Variants in GIMAP7 observed in about 807,000 individuals in gnomAD.
GIMAP7 encodes the protein GTPase, IMAP family member 7.
For synonymous variants in GIMAP7, 137 were observed against 129.3 expected (o/e 1.06, Z -0.40); for missense variants, 323 against 359.7 (o/e 0.90, Z 0.83).
chr7:150,515,582 G>A (rs1795127582), intron 1 of GIMAP7, among the ~76,000 whole-genome samples: 1 of 152,132 alleles, frequency 6.6e-6, no homozygotes, highest in Non-Finnish European at 1.5e-5. Flanking sequence ...ATAGCAGAGG[G>A]AACTGGATCT....
Position 150,520,779 on chromosome 7 carries a change from G to A in GIMAP7, c.805G>A (p.Glu269Lys). ...EKIKNIREEAERNIFKDVFNR... is the reference protein window; with the variant it reads ...EKIKNIREEAKRNIFKDVFNR... The stretch of plus-strand genomic sequence containing the variant: ...AATAAAAAATATAAGGGAAGAAGCT[G>A]AGAGAAATATATTTAAAGATGTTTT... Residue 269 changes from glutamate to lysine, a missense_variant, in exon 2 of 2, where the codon GAG becomes AAG. Physicochemically the swap from Glu to Lys is moderately conservative, Grantham distance 56. Coordinates refer to ENST00000313543, the MANE Select transcript of GIMAP7 (RefSeq NM_153236.4). 1 of 1,503,064 alleles carries A rather than the reference G, an allele frequency of 6.7e-7. No homozygotes were observed. Among genetic ancestry groups the A allele is most frequent in the Non-Finnish European group, 9.1e-7 (1 of 1,103,752 alleles). 93.1% of individuals were successfully genotyped at this position (1,503,064 alleles called of 1,614,324 possible). A position where few individuals can be genotyped will look rare whatever the true frequency, so the allele number is the denominator to read the frequency against.
At chr7:150,518,435 A>AT (rs1795155985) in intron 1 of GIMAP7, among the ~76,000 whole-genome samples, 1 of 151,724 alleles carries the variant, frequency 6.6e-6, no homozygotes, top group East Asian at 1.9e-4. Flanking sequence ...GTTTTTAATT[A>AT]TTTTTCTCTA....
At chr7:150,518,788 C>T (rs1345284313) in intron 1 of GIMAP7, among the ~76,000 whole-genome samples, 3 of 151,974 alleles carry the variant, frequency 2.0e-5, no homozygotes, top group African/African-American at 7.2e-5. Flanking sequence ...AAAAAATTTA[C>T]CCGTGTTTCT....
chr7:150,517,168 G>A (rs1795143926), intron 1 of GIMAP7, among the ~76,000 whole-genome samples: 1 of 152,118 alleles, frequency 6.6e-6, no homozygotes, highest in East Asian at 1.9e-4. Flanking sequence ...TCAGAATGAT[G>A]AGTCACTTTC....
In GIMAP7 at chr7:150,520,838, G is replaced by A; in HGVS notation, c.864G>A (p.Trp288Ter). 6.7e-7 allele frequency: 1 copy of A among 1,489,790 alleles called. No individual in the cohort carries two copies. Among genetic ancestry groups the A allele is most frequent in the Non-Finnish European group, 8.9e-7 (1 of 1,118,694 alleles). 92.3% of individuals were successfully genotyped at this position (1,489,790 alleles called of 1,614,324 possible). A position where few individuals can be genotyped will look rare whatever the true frequency, so the allele number is the denominator to read the frequency against. Reference protein sequence around the residue: ...NRIWKMLSEIWHRFLSKCKFY... With the variant: ...NRIWKMLSEI ...TTTGGAAGATGCTTTCAGAAATATG[G>A]CATAGGTTTTTGTCGAAATGTAAGT... The change falls in exon 2 of 2, where the codon TGG becomes TGA. Residue 288 changes from tryptophan to a stop codon, truncating the protein, a stop_gained. Coordinates refer to ENST00000313543, the MANE Select transcript of GIMAP7 (RefSeq NM_153236.4). LOFTEE classifies it low-confidence loss of function (END_TRUNC).
At chr7:150,519,355 C>G (rs994245468) in intron 1 of GIMAP7, among the ~76,000 whole-genome samples, 8 of 152,184 alleles carry the variant, frequency 5.3e-5, no homozygotes, top group Non-Finnish European at 1.0e-4. Flanking sequence ...TAAATTTGGC[C>G]AAATATCTTT....
intron 1 of GIMAP7, among the ~76,000 whole-genome samples, chr7:150,516,003 A>G (rs1795133785): frequency 6.6e-6 from 1 of 152,250 alleles, no homozygotes; most frequent in Non-Finnish European, 1.5e-5. Flanking sequence ...TGCACGGTTA[A>G]GAGTGAGCAT....
At chr7:150,519,376 G>A (rs768187143) in intron 1 of GIMAP7, among the ~76,000 whole-genome samples, 1 of 152,072 alleles carries the variant, frequency 6.6e-6, no homozygotes, top group Non-Finnish European at 1.5e-5. Flanking sequence ...CCTGCATCTA[G>A]CTAATTTTCT....
intron 1 of GIMAP7, among the ~76,000 whole-genome samples, chr7:150,516,655 T>C (rs1795139809): frequency 6.6e-6 from 1 of 152,250 alleles, no homozygotes; most frequent in Non-Finnish European, 1.5e-5. Flanking sequence ...TATGTTTCAC[T>C]TAATGTGTAG....
chr7:150,519,161 T>C (rs1320868312), intron 1 of GIMAP7, among the ~76,000 whole-genome samples: 4 of 152,216 alleles, frequency 2.6e-5, no homozygotes, highest in African/African-American at 9.6e-5. Flanking sequence ...CTTCCCCTGT[T>C]CTTCTTTTCC....
chr7:150,515,156 A>T (rs1795121920), intron 1 of GIMAP7, among the ~76,000 whole-genome samples: 1 of 152,222 alleles, frequency 6.6e-6, no homozygotes, highest in African/African-American at 2.4e-5. Context: ...AACAGGACAC[A>T]CATGGCTGCA....
At chr7:150,517,712 CT>C (rs1327022986) in intron 1 of GIMAP7, among the ~76,000 whole-genome samples, 1 of 152,086 alleles carries the variant, frequency 6.6e-6, no homozygotes, top group Non-Finnish European at 1.5e-5. Flanking sequence ...TGTTCCGTTT[CT>C]TTTAACTTTT....
chr7:150,519,411 TG>T (rs1226259573), intron 1 of GIMAP7, among the ~76,000 whole-genome samples: 10 of 152,210 alleles, frequency 6.6e-5, no homozygotes, highest in African/African-American at 2.2e-4. Context: ...CGGGATGTGT[TG>T]TAACAATCAA....
At position 150,520,820 on chromosome 7, in the gene GIMAP7, G is replaced by T. The variant is rs373189465; in HGVS notation, c.846G>T (p.Lys282Asn). The change falls in exon 2 of 2, where the codon AAG becomes AAT. Residue 282 changes from lysine (K) to asparagine (N), a missense_variant. Coordinates refer to ENST00000313543, the MANE Select transcript of GIMAP7 (RefSeq NM_153236.4). ...AAGATGTTTTTAATAGGATTTGGAA[G>T]ATGCTTTCAGAAATATGGCATAGGT... ...IFKDVFNRIWKMLSEIWHRFL... is the reference protein window; with the variant it reads ...IFKDVFNRIWNMLSEIWHRFL... The T allele has an allele frequency of 9.9e-5, 149 of 1,509,080 alleles. No homozygotes were observed. The highest frequency in any genetic ancestry group is 1.3e-4 in the Non-Finnish European group (142 of 1,127,638). 93.5% of individuals were successfully genotyped at this position (1,509,080 alleles called of 1,614,324 possible).
At position 150,515,327 on chromosome 7, in the gene GIMAP7, C is replaced by G. The variant is rs369069788; in HGVS notation, c.-42+382C>G. Reference sequence around the variant, plus strand: ...TTCTTACAGAAAAAGAATCAGAATCCCAATCCCAGAGATTTTGATGATTCT... The same window carrying G: ...TTCTTACAGAAAAAGAATCAGAATCGCAATCCCAGAGATTTTGATGATTCT... On this transcript the variant is annotated intron_variant, in intron 1 of 1. Transcript: ENST00000313543. Among the ~76,000 whole-genome samples, 7 of 152,210 alleles carry G rather than the reference C, an allele frequency of 4.6e-5. No homozygotes were observed. The East Asian group carries it at 1.2e-3, about 25-fold the overall frequency.
intron 1 of GIMAP7, among the ~76,000 whole-genome samples, chr7:150,519,185 C>G (rs892761490): frequency 6.6e-6 from 1 of 152,110 alleles, no homozygotes; most frequent in Admixed American, 6.5e-5. Flanking sequence ...ATTGTCTAGG[C>G]TAACTTGCAT....
In GIMAP7 at chr7:150,521,029, T is replaced by TATAC. The variant is rs369111955; in HGVS notation, c.*153_*154insTACA. On this transcript the variant is annotated 3_prime_UTR_variant, in exon 2 of 2. Coordinates refer to ENST00000313543, the MANE Select transcript of GIMAP7 (RefSeq NM_153236.4). ...TGATTTTTAAATATATATATATATATACACACATTGTGAAATAATGAAATA... is the reference window on the plus strand; with the variant it reads ...TGATTTTTAAATATATATATATATATATACACACACATTGTGAAATAATGAAATA... 4.6e-5 allele frequency: 11 copies of TATAC among 241,224 alleles called. No homozygotes were observed. The highest frequency in any genetic ancestry group is 3.2e-4 in the South Asian group (2 of 6,290). The allele number at this position is 241,224 out of a possible 1,614,324, so 14.9% of individuals were successfully genotyped here.
At chr7:150,519,012 A>G (rs1194509472) in intron 1 of GIMAP7, among the ~76,000 whole-genome samples, 1 of 152,190 alleles carries the variant, frequency 6.6e-6, no homozygotes, top group African/African-American at 2.4e-5. Flanking sequence ...ATTGAATGGA[A>G]TATAAATGAA....
In GIMAP7 at chr7:150,519,219, A is replaced by G. The variant is rs1329351411; in HGVS notation, c.-41-715A>G. Among the ~76,000 whole-genome samples, 6 of 152,298 alleles carry G rather than the reference A, an allele frequency of 3.9e-5. No homozygotes were observed. The South Asian group carries it at 1.0e-3, about 26-fold the overall frequency. On this transcript the variant is annotated intron_variant, in intron 1 of 1. Coordinates refer to ENST00000313543, the MANE Select transcript of GIMAP7 (RefSeq NM_153236.4). The stretch of plus-strand genomic sequence containing the variant: ...ATTTTCCTTCATCTGAATGAACTTT[A>G]TAATCAACTATTTTAGTTCCAGAAA...
Sources: allele counts gnomAD v4.1 joint callset (sites outside exome capture counted in the v4.1 genomes callset), GRCh38; gene constraint gnomAD v4.1.1; transcripts MANE v1.5; gene names NCBI Gene and HGNC (gene_info 2026-07-23, HGNC 2026-07-21).